The following NRIP1 variants were observed in gnomAD, a reference collection of about 807,000 sequenced individuals.
NRIP1 encodes nuclear receptor-interacting protein 1.
A neutral mutation model predicts 75.0 loss-of-function variants in NRIP1; 28 were observed. That is an observed-to-expected ratio of 0.37 (90% CI 0.28 to 0.51). The LOEUF is 0.51. NRIP1 is among the 20% of genes least tolerant of loss of function. The pLI, the probability that NRIP1 is intolerant of heterozygous loss-of-function variation, is 0.92. For missense variants in NRIP1, 1,435 were observed against 1,343.7 expected, an observed-to-expected ratio of 1.07 and a Z score of -1.06; for synonymous variants, 526 against 487.6, an observed-to-expected ratio of 1.08 and a Z score of -1.04.
intron 3 of NRIP1, among the ~76,000 whole-genome samples, chr21:15,005,173 C>A (rs2087933931): frequency 6.6e-6 from 1 of 152,148 alleles, no homozygotes. Context: ...GAGTTAATGC[C>A]TTTAGAATTC....
At position 15,012,447 on chromosome 21, in the gene NRIP1, C is replaced by CTTTTTT. The variant is rs869160226; in HGVS notation, c.-335+1891_-335+1896dup. 6.1e-3 allele frequency among the ~76,000 whole-genome samples: 483 copies of CTTTTTT among 79,320 alleles called. 25 individuals carry two copies. The highest frequency in any genetic ancestry group is 8.2e-3 in the East Asian group (16 of 1,946). The allele number at this position is 79,320 out of a possible 152,430, so 52.0% of individuals were successfully genotyped here. ...AGTTGTTCACTATACATTATAATGT[C>CTTTTTT]TTTTTTTTTTTTTTTTTTTTTTTTT... On this transcript the variant is annotated intron_variant, in intron 3 of 3. Coordinates refer to ENST00000318948, the MANE Select transcript of NRIP1 (RefSeq NM_003489.4).
intron 2 of NRIP1, among the ~76,000 whole-genome samples, chr21:15,038,152 C>T (rs948433305): frequency 3.9e-5 from 6 of 152,194 alleles, no homozygotes; most frequent in African/African-American, 1.4e-4. Context: ...ACTTTGATCA[C>T]ATTTATCATC....
At chr21:15,034,082 TG>T (rs1471879792) in intron 2 of NRIP1, among the ~76,000 whole-genome samples, 1 of 152,244 alleles carries the variant, frequency 6.6e-6, no homozygotes. Flanking sequence ...CCAAATCCCT[TG>T]CTTTTGTTAC....
intron 2 of NRIP1, among the ~76,000 whole-genome samples, chr21:15,021,468 C>T (rs13052079): frequency 0.13 from 19,567 of 152,088 alleles, 1,413 homozygotes; most frequent in East Asian, 0.32. Context: ...AATGTCCTAA[C>T]GCCGGACTGT....
chr21:15,020,637 C>CA (rs1247289570), intron 2 of NRIP1, among the ~76,000 whole-genome samples: 3 of 152,078 alleles, frequency 2.0e-5, no homozygotes, highest in Admixed American at 2.0e-4. Context: ...AAAATATATG[C>CA]AAATCATATA....
At chr21:14,991,920 C>T (rs1335459236) in intron 3 of NRIP1, among the ~76,000 whole-genome samples, 1 of 152,118 alleles carries the variant, frequency 6.6e-6, no homozygotes, top group Non-Finnish European at 1.5e-5. Context: ...AGCAAGAAAC[C>T]TCATCCAGAA....
intron 2 of NRIP1, among the ~76,000 whole-genome samples, chr21:15,014,791 A>T (rs1018337652): frequency 2.0e-5 from 3 of 151,870 alleles, no homozygotes; most frequent in Admixed American, 6.6e-5. Flanking sequence ...TAATTTACAT[A>T]CAAAAAATTA....
At chr21:14,999,377 C>T (rs976224613) in intron 3 of NRIP1, among the ~76,000 whole-genome samples, 1 of 152,040 alleles carries the variant, frequency 6.6e-6, no homozygotes, top group Non-Finnish European at 1.5e-5. Flanking sequence ...CTACTGAGTC[C>T]ACATCCATAG....
At chr21:14,985,997 CTTTTTAT>C (rs1413688598) in intron 3 of NRIP1, among the ~76,000 whole-genome samples, 1 of 152,042 alleles carries the variant, frequency 6.6e-6, no homozygotes, top group Non-Finnish European at 1.5e-5. Context: ...GCAAGAAAGG[CTTTTTAT>C]TTATTTATTT....
At chr21:14,984,089 A>C (rs1186848361) in intron 3 of NRIP1, among the ~76,000 whole-genome samples, 1 of 152,190 alleles carries the variant, frequency 6.6e-6, no homozygotes, top group African/African-American at 2.4e-5. Flanking sequence ...CTGTCATCAA[A>C]AGTGATTCCT....
chr21:14,984,232 G>A (rs940732196), intron 3 of NRIP1, among the ~76,000 whole-genome samples: 4 of 152,078 alleles, frequency 2.6e-5, no homozygotes, highest in African/African-American at 9.7e-5. Flanking sequence ...ATGACTTTGA[G>A]GAATTCAAGA....
Position 14,968,492 on chromosome 21 carries a change from T to C in NRIP1, c.-300A>G, listed in dbSNP as rs1039138642. The C allele has an allele frequency of 2.3e-5, 6 of 262,624 alleles. No homozygotes were observed. Among genetic ancestry groups the C allele is most frequent in the Admixed American group, 1.9e-4 (4 of 20,692 alleles). 16.3% of individuals were successfully genotyped at this position (262,624 alleles called of 1,614,324 possible). A position where few individuals can be genotyped will look rare whatever the true frequency, so the allele number is the denominator to read the frequency against. On this transcript the variant is annotated 5_prime_UTR_variant, in exon 4 of 4. The change abolishes an upstream ATG in the 5' untranslated region. Transcript: ENST00000318948. ...TGAATATATTCCTTTTCCTTCTTCATCTTTTGTTCCCCATTAAATGCAAAT... is the reference window on the plus strand; with the variant it reads ...TGAATATATTCCTTTTCCTTCTTCACCTTTTGTTCCCCATTAAATGCAAAT...
rs2086670087 is a variant in NRIP1, at chr21:14,964,561, T to C, written c.*155A>G. ...ATCTAATGTTAAGCAAAAATTAGTA[T>C]GCATATTTCAACATCACCAGTAACC... On this transcript the variant is annotated 3_prime_UTR_variant, in exon 4 of 4. Transcript: ENST00000318948. The C allele has an allele frequency of 3.4e-6, 2 of 589,634 alleles. No homozygotes were observed. Among genetic ancestry groups the C allele is most frequent in the South Asian group, 3.3e-5 (1 of 30,420 alleles). The allele number at this position is 589,634 out of a possible 1,614,324, so 36.5% of individuals were successfully genotyped here.
At chr21:15,054,609 A>G (rs931227101) in intron 1 of NRIP1, among the ~76,000 whole-genome samples, 7 of 152,336 alleles carry the variant, frequency 4.6e-5, no homozygotes, top group Admixed American at 2.0e-4. Context: ...CAGACTAAAG[A>G]AAAAACGTGG....
At chr21:14,991,468 G>C (rs897844299) in intron 3 of NRIP1, among the ~76,000 whole-genome samples, 2 of 151,846 alleles carry the variant, frequency 1.3e-5, no homozygotes, top group African/African-American at 4.8e-5. Context: ...AGGCCTTTTT[G>C]AGAATGTTGT....
chr21:14,990,898 T>C (rs992869501), intron 3 of NRIP1, among the ~76,000 whole-genome samples: 13 of 152,114 alleles, frequency 8.5e-5, no homozygotes, highest in Non-Finnish European at 1.9e-4. Context: ...GCCTGCAAAG[T>C]TCATTAGTGA....
chr21:15,025,967 G>C (rs2088508092), intron 2 of NRIP1, among the ~76,000 whole-genome samples: 2 of 152,082 alleles, frequency 1.3e-5, no homozygotes, highest in South Asian at 4.1e-4. Flanking sequence ...ACATTATCGG[G>C]ACAACCTGGA....
intron 3 of NRIP1, among the ~76,000 whole-genome samples, chr21:14,997,294 T>A (rs963255969): frequency 2.6e-5 from 4 of 152,244 alleles, no homozygotes; most frequent in African/African-American, 4.8e-5. Flanking sequence ...ATTGTAATTC[T>A]AAACTGAGAT....
chr21:14,967,261 T>G lies in NRIP1; in HGVS notation c.932A>C (p.Asp311Ala). Residue 311 changes from aspartate to alanine, a missense_variant, in exon 4 of 4, where the codon GAT becomes GCT. Transcript: ENST00000318948. Reference protein sequence around the residue: ...MARLQENGQKDVGSYQLPKGM... With the variant: ...MARLQENGQKAVGSYQLPKGM... ...TTTTGGGAGCTGGTAACTGCCAACA[T>G]CCTTCTGGCCATTTTCTTGCAATCT... The G allele has an allele frequency of 1.9e-6, 3 of 1,614,010 alleles. No homozygotes were observed. The highest frequency in any genetic ancestry group is 2.5e-6 in the Non-Finnish European group (3 of 1,179,984).
Sources: gnomAD v4.1 joint callset for allele counts (sites outside exome capture counted in the v4.1 genomes callset) on GRCh38, gnomAD v4.1.1 for gene constraint, MANE v1.5 for transcripts, NCBI Gene and HGNC (gene_info 2026-07-23, HGNC 2026-07-21) for gene names.